The following BCAR3 variants were observed in gnomAD, a reference collection of about 807,000 sequenced individuals.
The protein encoded by BCAR3 is breast cancer anti-estrogen resistance protein 3.
A neutral mutation model predicts 80.1 loss-of-function variants in BCAR3; 37 were observed. That is an observed-to-expected ratio of 0.46 (90% CI 0.36 to 0.61). BCAR3 has a LOEUF of 0.61. Ranked by LOEUF, BCAR3 falls within the 20% of genes least tolerant of loss-of-function variation. BCAR3 has a pLI of 0.00. For missense variants in BCAR3, 978 were observed against 1,068.2 expected, an observed-to-expected ratio of 0.92 and a Z score of 1.18; for synonymous variants, 389 against 418.9, an observed-to-expected ratio of 0.93 and a Z score of 0.87.
At chr1:93,590,603 A>G (rs570815073) in intron 4 of BCAR3, among the ~76,000 whole-genome samples, 16 of 152,242 alleles carry the variant, frequency 1.1e-4, no homozygotes, top group African/African-American at 3.1e-4. Context: ...AATTCTGACA[A>G]TTTTTCTGGA....
chr1:93,788,857 G>T (rs1653040426), intron 2 of BCAR3, among the ~76,000 whole-genome samples: 1 of 152,142 alleles, frequency 6.6e-6, no homozygotes, highest in Non-Finnish European at 1.5e-5. Context: ...ACTGAGTCCT[G>T]CTTTCCTTTC....
chr1:93,734,310 T>C (rs1438064159), intron 2 of BCAR3, among the ~76,000 whole-genome samples: 3 of 152,238 alleles, frequency 2.0e-5, no homozygotes, highest in Non-Finnish European at 4.4e-5. Context: ...ATTTTCAGGA[T>C]GCATTGGATT....
chr1:93,811,497 G>A (rs1348041450), intron 2 of BCAR3, among the ~76,000 whole-genome samples: 1 of 152,172 alleles, frequency 6.6e-6, no homozygotes. Flanking sequence ...CAAACACCGG[G>A]TCTCTTTCCT....
At chr1:93,751,998 T>C (rs1023161131) in intron 2 of BCAR3, among the ~76,000 whole-genome samples, 6 of 152,260 alleles carry the variant, frequency 3.9e-5, no homozygotes, top group African/African-American at 1.4e-4. Context: ...CTCTTTGCTG[T>C]GCACTTGAAG....
At chr1:93,564,953 T>A (rs1672882572) in intron 11 of BCAR3, among the ~76,000 whole-genome samples, 1 of 152,212 alleles carries the variant, frequency 6.6e-6, no homozygotes, top group Admixed American at 6.5e-5. Context: ...TCATCCTTTA[T>A]TATTGCTGGG....
intron 2 of BCAR3, among the ~76,000 whole-genome samples, chr1:93,664,239 C>G (rs576752501): frequency 3.9e-4 from 59 of 152,280 alleles, no homozygotes; most frequent in African/African-American, 1.2e-3. Context: ...CCTGCCTCAG[C>G]CTCTCAAATA....
chr1:93,786,192 C>CAAAAA lies in BCAR3; in HGVS notation c.-63+59370_-63+59374dup, dbSNP rs61644309. Among the ~76,000 whole-genome samples the CAAAAA allele has an allele frequency of 4.9e-3, 113 of 23,246 alleles. 27 individuals are homozygous for CAAAAA. The highest frequency in any genetic ancestry group is 0.031 in the East Asian group (15 of 486). 15.3% of individuals were successfully genotyped at this position (23,246 alleles called of 152,430 possible). ...TGGGCGTCAGAGCGAGACTCCGTCT[C>CAAAAA]AAAAAAAAAAAAAAAAAAAAAAAAA... On this transcript the variant is annotated intron_variant, in intron 2 of 13. Transcript: ENST00000370244.
intron 2 of BCAR3, among the ~76,000 whole-genome samples, chr1:93,813,101 G>GTAT (rs763610191): frequency 1.3e-5 from 2 of 152,038 alleles, no homozygotes; most frequent in African/African-American, 2.4e-5. Context: ...CTCCTTCTCT[G>GTAT]TATTTCACAG....
chr1:93,567,981 G>A, intron 9 of BCAR3, 130 bp from the exon 10 acceptor site: 1 of 662,378 alleles, frequency 1.5e-6, no homozygotes, highest in South Asian at 1.7e-5. Flanking sequence ...GAGGTCAGGA[G>A]TTCAAGACCA....
intron 2 of BCAR3, among the ~76,000 whole-genome samples, chr1:93,664,390 A>G (rs1399614804): frequency 6.6e-6 from 1 of 152,206 alleles, no homozygotes; most frequent in African/African-American, 2.4e-5. Context: ...AAGTGCTGGG[A>G]TTACAGGCGT....
chr1:93,596,410 T>A (rs1336296652), intron 3 of BCAR3, among the ~76,000 whole-genome samples: 2 of 152,176 alleles, frequency 1.3e-5, no homozygotes, highest in African/African-American at 4.8e-5. Context: ...CTCTCTCACA[T>A]TTGTAGACAT....
intron 7 of BCAR3, among the ~76,000 whole-genome samples, chr1:93,579,948 C>T (rs925492786): frequency 1.3e-5 from 2 of 152,238 alleles, no homozygotes; most frequent in Non-Finnish European, 1.5e-5. Context: ...CGGATAACTT[C>T]GCAAATTGCG....
intron 2 of BCAR3, among the ~76,000 whole-genome samples, chr1:93,665,649 T>C (rs1647870918): frequency 6.6e-6 from 1 of 152,154 alleles, no homozygotes; most frequent in African/African-American, 2.4e-5. Context: ...TTTATACCTT[T>C]CAGGCCAGAC....
chr1:93,707,191 G>C (rs531043973), intron 2 of BCAR3, among the ~76,000 whole-genome samples: 1 of 151,840 alleles, frequency 6.6e-6, no homozygotes, highest in East Asian at 1.9e-4. Context: ...AACAAAAAAA[G>C]TATACAGTTT....
At chr1:93,634,306 G>T (rs889937812) in intron 3 of BCAR3, among the ~76,000 whole-genome samples, 1 of 152,184 alleles carries the variant, frequency 6.6e-6, no homozygotes, top group Admixed American at 6.5e-5. Context: ...TTGTGGGAGG[G>T]ACCTGGTGGG....
intron 7 of BCAR3, among the ~76,000 whole-genome samples, chr1:93,576,679 T>G (rs1234856833): frequency 6.6e-6 from 1 of 152,228 alleles, no homozygotes; most frequent in East Asian, 1.9e-4. Flanking sequence ...ATGTGTACAG[T>G]GATTGGAAAC....
intron 2 of BCAR3, among the ~76,000 whole-genome samples, chr1:93,816,650 G>C (rs565992651): frequency 1.6e-5 from 2 of 121,878 alleles, no homozygotes; most frequent in South Asian, 2.8e-4. Context: ...TAGCCTCGGC[G>C]ACAGAGCTAG....
chr1:93,582,759 C>T lies in BCAR3; in HGVS notation c.1228G>A (p.Val410Met), dbSNP rs1015042958. ...GACGAGGGAACCTTGAGGAACGGCA[C>T]CTTGCAGGGCTTAGGCGGGGGCTTA... ...CPKPPPKPCK[V>M]PFLKVPSSPS... Residue 410 changes from valine to methionine, a missense_variant, in exon 7 of 12, where the codon GTG (valine) becomes ATG (methionine). Coordinates refer to ENST00000260502, the MANE Select transcript of BCAR3 (RefSeq NM_003567.4). 1 of 1,614,066 alleles carries T rather than the reference C, an allele frequency of 6.2e-7. No homozygotes were observed. Among genetic ancestry groups the T allele is most frequent in the Non-Finnish European group, 8.5e-7 (1 of 1,180,014 alleles).
chr1:93,768,615 A>G (rs1652242908), intron 2 of BCAR3, among the ~76,000 whole-genome samples: 1 of 152,252 alleles, frequency 6.6e-6, no homozygotes, highest in Admixed American at 6.5e-5. Flanking sequence ...GAGAATGCAC[A>G]AACAAAATAT....
Sources: gnomAD v4.1 joint callset for allele counts (sites outside exome capture counted in the v4.1 genomes callset) on GRCh38, gnomAD v4.1.1 for gene constraint, MANE v1.5 for transcripts, NCBI Gene and HGNC (gene_info 2026-07-23, HGNC 2026-07-21) for gene names.